The following GLI2 variants were observed in gnomAD, a reference collection of about 807,000 sequenced individuals.
The protein encoded by GLI2 is transcription activator GLI2.
A neutral mutation model predicts 78.9 loss-of-function variants in GLI2; 22 were observed. That is an observed-to-expected ratio of 0.28 (90% CI 0.20 to 0.40). The LOEUF (loss-of-function observed/expected upper bound fraction) is 0.40, where lower values mean the gene tolerates loss of function less well. GLI2 is among the 10% of genes least tolerant of loss of function. The pLI, the probability that GLI2 is intolerant of heterozygous loss-of-function variation, is 1.00. For missense variants in GLI2, 2,097 were observed against 2,213.2 expected, an observed-to-expected ratio of 0.95 and a Z score of 1.05; for synonymous variants, 974 against 963.7, an observed-to-expected ratio of 1.01 and a Z score of -0.20.
At chr2:120,933,078 G>A (rs1680021518) in intron 3 of GLI2, among the ~76,000 whole-genome samples, 1 of 152,162 alleles carries the variant, frequency 6.6e-6, no homozygotes, top group Admixed American at 6.5e-5. Flanking sequence ...TGCCAGAGCT[G>A]CCACAGTGGC....
intron 4 of GLI2, 73 bp downstream of exon 4, chr2:120,951,518 A>C: frequency 1.2e-6 from 1 of 864,430 alleles, no homozygotes; most frequent in Non-Finnish European, 1.9e-6. Context: ...CTCTCACGCT[A>C]ACACTGTCAA....
intron 2 of GLI2, among the ~76,000 whole-genome samples, chr2:120,918,224 T>C (rs912833354): frequency 2.0e-5 from 3 of 152,096 alleles, no homozygotes; most frequent in African/African-American, 7.2e-5. Context: ...CTACATCGTA[T>C]CCCTAGATCA....
At chr2:120,794,596 G>C (rs548756764) in intron 1 of GLI2, among the ~76,000 whole-genome samples, 65 of 152,264 alleles carry the variant, frequency 4.3e-4, no homozygotes, top group African/African-American at 1.4e-3. Context: ...GTGCTGGGGG[G>C]TGTGGGGTGA....
At chr2:120,946,274 G>A (rs11695512) in intron 3 of GLI2, among the ~76,000 whole-genome samples, 1,925 of 152,298 alleles carry the variant, frequency 0.013, 27 homozygotes, top group Non-Finnish European at 0.02. Flanking sequence ...AGAAATGTAA[G>A]AAGGAACAAC....
rs1683266345 is a variant in GLI2 at position 120,990,796 on chromosome 2, A to G, written c.*121A>G. On this transcript the variant is annotated 3_prime_UTR_variant, in exon 14 of 14. Coordinates refer to ENST00000361492, the MANE Select transcript of GLI2 (RefSeq NM_001374353.1). ...AAATAGGCTTGAGGGGTTGTTGCGC[A>G]ATGGCCGCTTCAGATGACAGATGTT... The G allele has an allele frequency of 5.5e-6, 4 of 730,954 alleles. No individual in the cohort carries two copies. The highest frequency in any genetic ancestry group is 1.8e-5 in the African/African-American group (1 of 56,520). 45.3% of individuals were successfully genotyped at this position (730,954 alleles called of 1,614,324 possible).
At chr2:120,918,824 C>T (rs899742447) in intron 2 of GLI2, among the ~76,000 whole-genome samples, 2 of 152,252 alleles carry the variant, frequency 1.3e-5, no homozygotes, top group Non-Finnish European at 2.9e-5. Context: ...ACACTCATTA[C>T]TTGCTAGCGA....
chr2:120,841,629 C>T (rs773178612), intron 2 of GLI2, among the ~76,000 whole-genome samples: 1 of 152,210 alleles, frequency 6.6e-6, no homozygotes, highest in Non-Finnish European at 1.5e-5. Context: ...CTTCTGTGTG[C>T]CCAGCACTGT....
chr2:120,791,129 A>G (rs1414754508), intron 1 of GLI2, among the ~76,000 whole-genome samples: 2 of 152,186 alleles, frequency 1.3e-5, no homozygotes, highest in East Asian at 3.9e-4. Flanking sequence ...TCATTGTGGG[A>G]GAATTCAATG....
In GLI2 at chr2:120,818,196, G is replaced by A. The variant is rs143585206; in HGVS notation, c.148+20728G>A. 2.8e-3 allele frequency among the ~76,000 whole-genome samples: 420 copies of A among 152,342 alleles called. 2 individuals are homozygous for A. Among genetic ancestry groups the A allele is most frequent in the African/African-American group, 9.6e-3 (400 of 41,586 alleles). ...TCCAAGGAGCCCCGCTTTCATCCCC[G>A]AGGGGTGGCAGTGCCTCTTCCAAGC... is the stretch of plus-strand genomic sequence containing the variant. On this transcript the variant is annotated intron_variant, in intron 2 of 13. Coordinates refer to ENST00000361492, the MANE Select transcript of GLI2 (RefSeq NM_001374353.1).
intron 7 of GLI2, among the ~76,000 whole-genome samples, chr2:120,971,579 C>G (rs1304022336): frequency 6.6e-6 from 1 of 152,248 alleles, no homozygotes; most frequent in Non-Finnish European, 1.5e-5. Flanking sequence ...CTGGGCTGGC[C>G]AGGCCCTGTT....
At chr2:120,850,629 G>C (rs1043263133) in intron 2 of GLI2, among the ~76,000 whole-genome samples, 5 of 152,234 alleles carry the variant, frequency 3.3e-5, no homozygotes, top group Non-Finnish European at 5.9e-5. Context: ...CCCAAGAAGG[G>C]AATGATAGCA....
In GLI2 at chr2:120,737,511, G is replaced by A. The variant is rs371753682; in HGVS notation, c.-31+1226G>A. Among the ~76,000 whole-genome samples the A allele has an allele frequency of 6.6e-6, 1 of 152,138 alleles. No homozygotes were observed. The highest frequency in any genetic ancestry group is 1.5e-5 in the Non-Finnish European group (1 of 68,038). ...CTGGAAAAGTAGACCTGTCCCTACT[G>A]TCTGGTCCCGCGCCCTGGGAGTCTT... On this transcript the variant is annotated intron_variant, in intron 1 of 13. Transcript: ENST00000361492. This position sits in a 1 kb window ranked among gnomAD's most constrained non-coding sequence, Gnocchi z 4.3.
At chr2:120,886,717 G>A (rs750760690) in intron 2 of GLI2, among the ~76,000 whole-genome samples, 2 of 152,224 alleles carry the variant, frequency 1.3e-5, no homozygotes, top group Non-Finnish European at 2.9e-5. Flanking sequence ...AAATAAAGGG[G>A]CCTGGAGTGG....
At chr2:120,765,206 T>A (rs779637205) in intron 1 of GLI2, among the ~76,000 whole-genome samples, 3 of 152,204 alleles carry the variant, frequency 2.0e-5, no homozygotes, top group Non-Finnish European at 2.9e-5. Flanking sequence ...CTCTCTCATG[T>A]GCCCTCAGGG....
chr2:120,958,753 G>A (rs147660520), intron 5 of GLI2, among the ~76,000 whole-genome samples: 14 of 152,224 alleles, frequency 9.2e-5, no homozygotes, highest in African/African-American at 2.6e-4. Context: ...TGCACGGTGC[G>A]CTAGGCCTTC....
intron 2 of GLI2, among the ~76,000 whole-genome samples, chr2:120,818,042 A>G (rs1456475141): frequency 6.6e-6 from 1 of 151,618 alleles, no homozygotes; most frequent in Non-Finnish European, 1.5e-5. Flanking sequence ...CCCGTGCTCC[A>G]CTCTTGCCTG....
chr2:120,984,332 A>G lies in GLI2; in HGVS notation c.1633-139A>G. ...TGCCATCCACAGAGCACTGGCTGCA[A>G]ATTTGACACAGCACCTACTGACGTT... is the stretch of plus-strand genomic sequence containing the variant. On this transcript the variant is annotated intron_variant, in intron 11 of 13. Transcript: ENST00000361492. 4 of 902,760 alleles carry G rather than the reference A, an allele frequency of 4.4e-6. No individual in the cohort carries two copies. In the South Asian group the frequency reaches 5.3e-5, roughly 12 times the overall value. The allele number at this position is 902,760 out of a possible 1,614,324, so 55.9% of individuals were successfully genotyped here. A position where few individuals can be genotyped will look rare whatever the true frequency, so the allele number is the denominator to read the frequency against.
intron 1 of GLI2, among the ~76,000 whole-genome samples, chr2:120,740,630 C>CT (rs1682505787): frequency 6.6e-6 from 1 of 152,200 alleles, no homozygotes; most frequent in Non-Finnish European, 1.5e-5. Flanking sequence ...TCATCTGCCT[C>CT]TGAAATCTGT....
chr2:120,820,339 G>A (rs963099812), intron 2 of GLI2, among the ~76,000 whole-genome samples: 2 of 152,192 alleles, frequency 1.3e-5, no homozygotes, highest in South Asian at 4.1e-4. Context: ...CCCCTGTTAG[G>A]GGGACTGTGC....
Sources: gnomAD v4.1 joint callset for allele counts (sites outside exome capture counted in the v4.1 genomes callset) on GRCh38, gnomAD v4.1.1 for gene constraint, Gnocchi (gnomAD v3.1) non-coding constraint, MANE v1.5 for transcripts, NCBI Gene and HGNC (gene_info 2026-07-23, HGNC 2026-07-21) for gene names.